The following SEPTIN9 variants were observed in gnomAD, a reference collection of about 807,000 sequenced individuals.
The protein encoded by SEPTIN9 is septin-9.
SEPTIN9 carries 13 observed loss-of-function variants against 56.6 expected under a neutral mutation model. That is an observed-to-expected ratio of 0.23 (90% CI 0.15 to 0.37). The LOEUF (loss-of-function observed/expected upper bound fraction) is 0.37, where lower values mean the gene tolerates loss of function less well. Ranked by LOEUF, SEPTIN9 falls within the 10% of genes least tolerant of loss-of-function variation. The pLI, the probability that SEPTIN9 is intolerant of heterozygous loss-of-function variation, is 1.00. For synonymous variants in SEPTIN9, 332 were observed against 334.1 expected (o/e 0.99, Z 0.07); for missense variants, 650 against 823.1 (o/e 0.79, Z 2.57).
intron 3 of SEPTIN9, among the ~76,000 whole-genome samples, chr17:77,459,690 G>A (rs987719673): frequency 1.3e-5 from 2 of 152,052 alleles, no homozygotes; most frequent in Admixed American, 6.5e-5. Flanking sequence ...ACGTCACATG[G>A]CGAGAGAGAG....
Position 77,389,955 on chromosome 17 carries a change from A to T in SEPTIN9, c.77-12104A>T, listed in dbSNP as rs977753080. Among the ~76,000 whole-genome samples, 1 of 152,070 alleles carries T rather than the reference A, an allele frequency of 6.6e-6. No homozygotes were observed. Among genetic ancestry groups the T allele is most frequent in the Non-Finnish European group, 1.5e-5 (1 of 68,002 alleles). On this transcript the variant is annotated intron_variant, in intron 2 of 11. Transcript: ENST00000427177. The surrounding 1 kb of genome is among the most constrained non-coding windows in gnomAD (Gnocchi z 4.3). The stretch of plus-strand genomic sequence containing the variant: ...AAGAAAAGAGGAAGTCCAGCAACTT[A>T]GCGCCACTTTAAAGTCCGCCTGGAA...
rs1351418739 is a variant in SEPTIN9, at chr17:77,482,259, G to A, written c.837G>A (p.Val279=). 1.2e-6 allele frequency: 2 copies of A among 1,613,216 alleles called. No homozygotes were observed. Among genetic ancestry groups the A allele is most frequent in the African/African-American group, 1.3e-5 (1 of 75,052 alleles). The change falls in exon 4 of 12, where the codon GTG becomes GTA. Residue 279 remains valine, a synonymous_variant. Coordinates refer to ENST00000427177, the MANE Select transcript of SEPTIN9 (RefSeq NM_001113491.2). The stretch of plus-strand genomic sequence containing the variant: ...AGGCCCCGGTGGACTTCGGCTACGT[G>A]GGGATTGACTCCATCCTGGAGCAGA... ...NEKAPVDFGY[V]GIDSILEQMR... is the part of the protein sequence containing the mutation.
chr17:77,498,772 C>A lies in SEPTIN9; in HGVS notation c.*114C>A. On this transcript the variant is annotated 3_prime_UTR_variant, in exon 12 of 12. Transcript: ENST00000427177. ...ATTTTCTCCATTTGTCATCGTTCCC[C>A]ACCCCTTCGACATGCTGCCAGGAAA... 1.4e-6 allele frequency: 1 copy of A among 701,560 alleles called. No homozygotes were observed. The highest frequency in any genetic ancestry group is 2.1e-5 in the Admixed American group (1 of 46,758). 43.5% of individuals were successfully genotyped at this position (701,560 alleles called of 1,614,324 possible).
chr17:77,382,573 G>A (rs1036613433), intron 2 of SEPTIN9, among the ~76,000 whole-genome samples: 3 of 152,234 alleles, frequency 2.0e-5, no homozygotes, highest in Non-Finnish European at 4.4e-5. Flanking sequence ...GGGCTGGGAG[G>A]GACCAGGGTG....
Position 77,401,965 on chromosome 17 carries a change from G to T in SEPTIN9, c.77-94G>T, listed in dbSNP as rs1011029343. 12 of 1,359,890 alleles carry T rather than the reference G, an allele frequency of 8.8e-6. No individual in the cohort carries two copies. In the South Asian group the frequency reaches 1.4e-4, roughly 16 times the overall value. 84.2% of individuals were successfully genotyped at this position (1,359,890 alleles called of 1,614,324 possible). A position where few individuals can be genotyped will look rare whatever the true frequency, so the allele number is the denominator to read the frequency against. On this transcript the variant is annotated intron_variant, in intron 2 of 11. Transcript: ENST00000427177. ...GACCCCCGGCCCTCACCGCCGCATC[G>T]CCTGCCTTCCTCTGCTGCTCCTTAG...
intron 1 of SEPTIN9, among the ~76,000 whole-genome samples, chr17:77,285,750 A>G (rs1343321288): frequency 3.9e-5 from 6 of 152,316 alleles, no homozygotes; most frequent in African/African-American, 1.2e-4. Context: ...GGCACCAGCC[A>G]CGATTAAAAA....
At chr17:77,286,027 G>C (rs1250279508) in intron 1 of SEPTIN9, among the ~76,000 whole-genome samples, 3 of 152,216 alleles carry the variant, frequency 2.0e-5, no homozygotes, top group African/African-American at 7.2e-5. Flanking sequence ...CCCCGTCTCC[G>C]CGCCTGTTCT....
chr17:77,387,297 G>A (rs916062079), intron 2 of SEPTIN9, among the ~76,000 whole-genome samples: 3 of 152,212 alleles, frequency 2.0e-5, no homozygotes, highest in Non-Finnish European at 4.4e-5. Context: ...TCCCTGCTCC[G>A]TCTTCACATG....
chr17:77,397,370 A>G (rs1188962346), intron 2 of SEPTIN9, among the ~76,000 whole-genome samples: 1 of 151,960 alleles, frequency 6.6e-6, no homozygotes, highest in Non-Finnish European at 1.5e-5. Context: ...CCTTTCTCCT[A>G]TAAGGACACC....
intron 3 of SEPTIN9, among the ~76,000 whole-genome samples, chr17:77,420,673 G>A (rs9646396): frequency 0.29 from 43,732 of 152,002 alleles, 7,478 homozygotes; most frequent in Non-Finnish European, 0.4. Context: ...TCCCCCATCT[G>A]TCTCCCACCC....
chr17:77,383,392 AC>A (rs2035217399), intron 2 of SEPTIN9, among the ~76,000 whole-genome samples: 1 of 152,100 alleles, frequency 6.6e-6, no homozygotes, highest in Non-Finnish European at 1.5e-5. Flanking sequence ...CGAGAGCCCA[AC>A]AAGGTAGATT....
intron 3 of SEPTIN9, chr17:77,469,658 G>A (rs974788518): frequency 6.6e-6 from 1 of 152,302 alleles, no homozygotes; most frequent in South Asian, 2.1e-4. Flanking sequence ...TGACCAGGTA[G>A]CGGTCCATGC....
At chr17:77,440,295 T>C (rs1409164703) in intron 3 of SEPTIN9, among the ~76,000 whole-genome samples, 1 of 152,010 alleles carries the variant, frequency 6.6e-6, no homozygotes, top group African/African-American at 2.4e-5. Flanking sequence ...GCTGGGATTA[T>C]AGGCGCCCAC....
chr17:77,497,826 G>T (rs2040336049), intron 11 of SEPTIN9, among the ~76,000 whole-genome samples: 1 of 152,078 alleles, frequency 6.6e-6, no homozygotes, highest in Non-Finnish European at 1.5e-5. Context: ...GTGCTGGGTG[G>T]GTGGTCCCTG....
intron 3 of SEPTIN9, chr17:77,469,605 C>G (rs1369402921): frequency 6.6e-6 from 1 of 152,306 alleles, no homozygotes; most frequent in Non-Finnish European, 1.5e-5. Flanking sequence ...TGCATCCCCC[C>G]AGGCGGTGTT....
intron 3 of SEPTIN9, among the ~76,000 whole-genome samples, chr17:77,417,838 AG>A (rs1190883614): frequency 6.6e-6 from 1 of 152,148 alleles, no homozygotes; most frequent in East Asian, 1.9e-4. Context: ...CTCCTACCGG[AG>A]GGGGGGTTCC....
chr17:77,486,915 A>T (rs1383289698), intron 4 of SEPTIN9, among the ~76,000 whole-genome samples: 1 of 152,166 alleles, frequency 6.6e-6, no homozygotes, highest in East Asian at 1.9e-4. Context: ...GCAGATCAGG[A>T]AACTGAGACA....
At position 77,326,060 on chromosome 17, in the gene SEPTIN9, A is replaced by T. The variant is rs66474804; in HGVS notation, c.76+18863A>T. On this transcript the variant is annotated intron_variant, in intron 2 of 11. Coordinates refer to ENST00000427177, the MANE Select transcript of SEPTIN9 (RefSeq NM_001113491.2). The surrounding 1 kb of genome is among the most constrained non-coding windows in gnomAD (Gnocchi z 5.1). ...CTTGTCACCCCTGGAAGCACTTGCC[A>T]TCCTTATACAGCACCCCACACCCAC... 0.041 allele frequency among the ~76,000 whole-genome samples: 6,158 copies of T among 152,040 alleles called. 238 individuals are homozygous for T. Among genetic ancestry groups the T allele is most frequent in the East Asian group, 0.24 (1,232 of 5,154 alleles).
At chr17:77,341,877 T>C (rs1179113913) in intron 2 of SEPTIN9, among the ~76,000 whole-genome samples, 3 of 148,660 alleles carry the variant, frequency 2.0e-5, no homozygotes, top group Admixed American at 1.3e-4. Context: ...GGTCAGGGGA[T>C]TGAGACCATC....
Sources: allele counts gnomAD v4.1 joint callset (sites outside exome capture counted in the v4.1 genomes callset), GRCh38; gene constraint gnomAD v4.1.1; non-coding constraint Gnocchi (gnomAD v3.1); transcripts MANE v1.5; gene names NCBI Gene and HGNC (gene_info 2026-07-23, HGNC 2026-07-21).